ALDH4A1: variants seen among roughly 807,000 people sequenced by gnomAD.
ALDH4A1 encodes the protein delta-1-pyrroline-5-carboxylate dehydrogenase, mitochondrial.
ALDH4A1 carries 46 observed loss-of-function variants against 70.5 expected under a neutral mutation model. The ratio of observed to expected loss-of-function variants is 0.65; its 90% CI spans 0.51 to 0.83. The LOEUF (loss-of-function observed/expected upper bound fraction) is 0.83, where lower values mean the gene tolerates loss of function less well. ALDH4A1 is among the 40% of genes least tolerant of loss of function. The pLI, the probability that ALDH4A1 is intolerant of heterozygous loss-of-function variation, is 0.00. For synonymous variants in ALDH4A1, 323 were observed against 324.3 expected, an observed-to-expected ratio of 1.00 and a Z score of 0.04; for missense variants, 749 against 766.5, an observed-to-expected ratio of 0.98 and a Z score of 0.27.
rs28582076 is a variant in ALDH4A1 at position 18,890,801 on chromosome 1, A to G, written c.63-696T>C. 5,504 of 985,414 alleles carry G rather than the reference A, an allele frequency of 5.6e-3. 225 individuals carry two copies. In the African/African-American group the frequency reaches 0.086, roughly 15 times the overall value. 61.0% of individuals were successfully genotyped at this position (985,414 alleles called of 1,614,324 possible). A position where few individuals can be genotyped will look rare whatever the true frequency, so the allele number is the denominator to read the frequency against. ...CTCCCACAAGGCAGGCTTTATCCCA[A>G]AAAGACCCAAACTCCTCTCTCTAAG... On this transcript the variant is annotated intron_variant, in intron 1 of 14. Transcript: ENST00000375341.
At chr1:18,901,441 A>G (rs1403344189) in intron 1 of ALDH4A1, among the ~76,000 whole-genome samples, 1 of 149,986 alleles carries the variant, frequency 6.7e-6, no homozygotes, top group Non-Finnish European at 1.5e-5. Context: ...CTCAAATGGG[A>G]GGGGGGGCTG....
At chr1:18,894,845 T>G (rs1378111638) in intron 1 of ALDH4A1, among the ~76,000 whole-genome samples, 1 of 151,506 alleles carries the variant, frequency 6.6e-6, no homozygotes, top group Non-Finnish European at 1.5e-5. Flanking sequence ...ATCAGTGCTT[T>G]CTTTTTTCTT....
intron 14 of ALDH4A1, among the ~76,000 whole-genome samples, chr1:18,873,688 G>A (rs1257681186): frequency 6.6e-6 from 1 of 152,240 alleles, no homozygotes; most frequent in Admixed American, 6.5e-5. Flanking sequence ...CGGTGCCCCT[G>A]CCGGGGACCC....
intron 9 of ALDH4A1, among the ~76,000 whole-genome samples, chr1:18,878,108 C>T (rs1934804456): frequency 1.3e-5 from 2 of 152,152 alleles, no homozygotes; most frequent in African/African-American, 4.8e-5. Context: ...GAGGGAGCTT[C>T]AGACAGGTCA....
chr1:18,877,749 G>A, intron 9 of ALDH4A1, 137 bp from the exon 10 acceptor site: 1 of 1,066,892 alleles, frequency 9.4e-7, no homozygotes, highest in Non-Finnish European at 1.3e-6. Context: ...CGGAGGCTCA[G>A]AGTGAGCGCT....
At chr1:18,890,576 G>A (rs1475921992) in intron 1 of ALDH4A1, 1 of 612,444 alleles carries the variant, frequency 1.6e-6, no homozygotes, top group Admixed American at 6.0e-5. Context: ...CCACCTTGGG[G>A]GTCCACAACC....
chr1:18,877,050 T>C (rs1290046390), intron 11 of ALDH4A1, among the ~76,000 whole-genome samples, 158 bp downstream of exon 11: 2 of 152,122 alleles, frequency 1.3e-5, no homozygotes, highest in Non-Finnish European at 2.9e-5. Flanking sequence ...TTCTGCCCTT[T>C]CTGAAGCTGG....
rs1181742864 is a variant in ALDH4A1, at chr1:18,880,179, A to G, written c.867-806T>C. On this transcript the variant is annotated intron_variant, in intron 8 of 14. Transcript: ENST00000375341. The surrounding 1 kb of genome is among the most constrained non-coding windows in gnomAD (Gnocchi z 5.1). ...CACCACCCACTCCCACCCCCAGCAA[A>G]GCTGCGGGGAAGGGGGTGGCAGAGC... is the stretch of plus-strand genomic sequence containing the variant. 1.3e-5 allele frequency among the ~76,000 whole-genome samples: 2 copies of G among 152,056 alleles called. No individual in the cohort carries two copies. Among genetic ancestry groups the G allele is most frequent in the African/African-American group, 2.4e-5 (1 of 41,398 alleles).
In ALDH4A1 at chr1:18,877,624, G is replaced by A. The variant is rs760657167; in HGVS notation, c.941-12C>T. 6.8e-6 allele frequency: 5 copies of A among 735,990 alleles called. No individual in the cohort carries two copies. The highest frequency in any genetic ancestry group is 4.7e-6 in the Non-Finnish European group (2 of 427,980). 45.6% of individuals were successfully genotyped at this position (735,990 alleles called of 1,614,324 possible). On this transcript the variant is annotated splice_polypyrimidine_tract_variant and intron_variant, in intron 9 of 14. Coordinates refer to ENST00000375341, the MANE Select transcript of ALDH4A1 (RefSeq NM_003748.4). ...CTTTCCGCCGCACTCTACAGGGGTCGGGGGTGGGGAAATGACCAGAGGAGC... is the reference window on the plus strand; with the variant it reads ...CTTTCCGCCGCACTCTACAGGGGTCAGGGGTGGGGAAATGACCAGAGGAGC...
chr1:18,872,807 G>T lies in ALDH4A1; in HGVS notation c.*38C>A. 6.4e-7 allele frequency: 1 copy of T among 1,561,110 alleles called. No homozygotes were observed. On this transcript the variant is annotated 3_prime_UTR_variant, in exon 15 of 15. Coordinates refer to ENST00000375341, the MANE Select transcript of ALDH4A1 (RefSeq NM_003748.4). ...TCTGTGCAGTGAGGTCGGCCACCTG[G>T]ACGGACAGACAGCTGGACGGTGGAG...
chr1:18,876,009 C>T (rs1474329038), intron 12 of ALDH4A1, among the ~76,000 whole-genome samples: 2 of 152,238 alleles, frequency 1.3e-5, no homozygotes, highest in Non-Finnish European at 2.9e-5. Flanking sequence ...TGCTCAGCCA[C>T]AGCTGGCCCC....
intron 5 of ALDH4A1, 24 bp downstream of exon 5, chr1:18,885,449 C>CCCCCCCCCCCCCCCCCCCCCCCCCCCCA: frequency 1.5e-6 from 2 of 1,297,352 alleles, no homozygotes; most frequent in Non-Finnish European, 2.1e-6. Flanking sequence ...CCGCCCCACC[C>CCCCCCCCCCCCCCCCCCCCCCCCCCCCA]ACCCGGGCCC....
At chr1:18,889,282 A>G (rs1031128648) in intron 3 of ALDH4A1, 80 bp downstream of exon 3, 11 of 1,332,828 alleles carry the variant, frequency 8.3e-6, no homozygotes, top group Middle Eastern at 3.6e-4. Flanking sequence ...GAGCCCACAC[A>G]TTATAAGCTT....
intron 5 of ALDH4A1, among the ~76,000 whole-genome samples, chr1:18,884,011 C>T (rs1264557625): frequency 6.6e-6 from 1 of 152,186 alleles, no homozygotes; most frequent in Non-Finnish European, 1.5e-5. Context: ...CTGTGGACAG[C>T]CAAGAACGGG....
rs1162971417 is a variant in ALDH4A1, at chr1:18,896,932, G to A, written c.62+5530C>T. 8.4e-6 allele frequency: 3 copies of A among 357,174 alleles called. No individual in the cohort carries two copies. In the Admixed American group the frequency reaches 1.0e-4, roughly 12 times the overall value. 22.1% of individuals were successfully genotyped at this position (357,174 alleles called of 1,614,324 possible). On this transcript the variant is annotated intron_variant, in intron 1 of 14. Transcript: ENST00000375341. ...GAAAGAAAGACCCAATGCCAGGGAT[G>A]AGCTGCTTCAGCCACTGCCCAGCAA...
At chr1:18,890,313 G>A (rs999959750) in intron 1 of ALDH4A1, 36 of 529,420 alleles carry the variant, frequency 6.8e-5, no homozygotes, top group African/African-American at 1.7e-4. Flanking sequence ...AGACCAAGGC[G>A]GGCAAATCAC....
chr1:18,883,635 T>C (rs1348748242), intron 5 of ALDH4A1, among the ~76,000 whole-genome samples: 1 of 152,246 alleles, frequency 6.6e-6, no homozygotes, highest in Non-Finnish European at 1.5e-5. Flanking sequence ...TAGCCGGCCC[T>C]CTGGGCTGGA....
In ALDH4A1 at chr1:18,872,727, C is replaced by T. The variant is rs11740; in HGVS notation, c.*118G>A. On this transcript the variant is annotated 3_prime_UTR_variant, in exon 15 of 15. Transcript: ENST00000375341. ...ACAGTGGTAAGAAGGGAGTCAAGCC[C>T]GGATTATAGAAAGGCAGCTGTGCAT... 0.44 allele frequency: 339,315 copies of T among 767,614 alleles called. 78,435 individuals carry two copies. Among genetic ancestry groups the T allele is most frequent in the East Asian group, 0.66 (26,848 of 40,420 alleles). The allele number at this position is 767,614 out of a possible 1,614,324, so 47.6% of individuals were successfully genotyped here. A position where few individuals can be genotyped will look rare whatever the true frequency, so the allele number is the denominator to read the frequency against.
intron 1 of ALDH4A1, chr1:18,890,733 G>C (rs774755365): frequency 7.1e-5 from 70 of 985,424 alleles, no homozygotes; most frequent in Middle Eastern, 1.0e-3. Context: ...GCAAAACCAC[G>C]TTGAAGTATT....
Sources: gnomAD v4.1 joint callset for allele counts (sites outside exome capture counted in the v4.1 genomes callset) on GRCh38, gnomAD v4.1.1 for gene constraint, Gnocchi (gnomAD v3.1) non-coding constraint, MANE v1.5 for transcripts, NCBI Gene and HGNC (gene_info 2026-07-23, HGNC 2026-07-21) for gene names.